Variants in CCDC138 observed in about 807,000 individuals in gnomAD.
CCDC138 encodes coiled-coil domain-containing protein 138.
A neutral mutation model predicts 82.3 loss-of-function variants in CCDC138; 66 were observed. That is an observed-to-expected ratio of 0.80 (90% CI 0.66 to 0.98). The LOEUF (loss-of-function observed/expected upper bound fraction) is 0.98. CCDC138 is among the 50% of genes least tolerant of loss of function. CCDC138 has a pLI of 0.00. For synonymous variants in CCDC138, 297 were observed against 265.4 expected (o/e 1.12, Z -1.16); for missense variants, 816 against 758.9 (o/e 1.08, Z -0.88).
chr2:108,805,213 A>G (rs1019149834), intron 7 of CCDC138, among the ~76,000 whole-genome samples: 4 of 152,166 alleles, frequency 2.6e-5, no homozygotes, highest in South Asian at 4.1e-4. Context: ...CTGGCAACCA[A>G]CTGACAAACA....
intron 13 of CCDC138, among the ~76,000 whole-genome samples, chr2:108,869,558 A>G (rs573766312): frequency 6.6e-6 from 1 of 152,308 alleles, no homozygotes; most frequent in African/African-American, 2.4e-5. Context: ...CAGGGAGACT[A>G]CAGACCTGTG....
At chr2:108,800,937 T>C (rs1681850508) in intron 6 of CCDC138, among the ~76,000 whole-genome samples, 1 of 113,626 alleles carries the variant, frequency 8.8e-6, no homozygotes, top group Non-Finnish European at 1.8e-5. Flanking sequence ...TTCATCCATG[T>C]CCCTACAAAG....
intron 13 of CCDC138, among the ~76,000 whole-genome samples, chr2:108,859,441 G>A (rs1693197495): frequency 6.6e-6 from 1 of 152,210 alleles, no homozygotes; most frequent in Non-Finnish European, 1.5e-5. Flanking sequence ...TATTGCATTT[G>A]CTTTTGATGA....
At chr2:108,865,184 A>C (rs1694233275) in intron 13 of CCDC138, among the ~76,000 whole-genome samples, 1 of 152,162 alleles carries the variant, frequency 6.6e-6, no homozygotes, top group Admixed American at 6.5e-5. Flanking sequence ...TATCTTGAAG[A>C]TCTTATATAA....
chr2:108,823,169 A>G (rs569856398), intron 10 of CCDC138, among the ~76,000 whole-genome samples: 21 of 152,304 alleles, frequency 1.4e-4, no homozygotes, highest in Admixed American at 1.0e-3. Context: ...CCTCCCAACA[A>G]TGAAAAGCCA....
chr2:108,877,314 CAGAATT>C (rs922127461), downstream of CCDC138, among the ~76,000 whole-genome samples: 1 of 138,584 alleles, frequency 7.2e-6, no homozygotes, highest in Non-Finnish European at 1.6e-5. Flanking sequence ...CAAAAAAAAA[CAGAATT>C]AGCCAGGCGG....
At chr2:108,852,159 G>T (rs1215320572) in intron 12 of CCDC138, among the ~76,000 whole-genome samples, 1 of 152,064 alleles carries the variant, frequency 6.6e-6, no homozygotes, top group Non-Finnish European at 1.5e-5. Context: ...TATTATTATT[G>T]TAATTTTACA....
chr2:108,797,318 A>G (rs181993725), intron 5 of CCDC138, among the ~76,000 whole-genome samples: 2 of 152,318 alleles, frequency 1.3e-5, no homozygotes, highest in East Asian at 3.9e-4. Flanking sequence ...CATGGAAACC[A>G]ATGAAGGAGA....
chr2:108,857,885 G>C (rs772249005), intron 13 of CCDC138, among the ~76,000 whole-genome samples: 13 of 152,220 alleles, frequency 8.5e-5, no homozygotes, highest in Non-Finnish European at 1.6e-4. Context: ...GAATATGACA[G>C]AGATGGCATC....
At chr2:108,861,370 T>G (rs1693575912) in intron 13 of CCDC138, among the ~76,000 whole-genome samples, 1 of 152,102 alleles carries the variant, frequency 6.6e-6, no homozygotes, top group Admixed American at 6.5e-5. Flanking sequence ...AACTTTGGAT[T>G]AATTTGTTCT....
At chr2:108,854,003 T>TATATAATATATAATAAATTTATATC in intron 12 of CCDC138, among the ~76,000 whole-genome samples, 1 of 5,904 alleles carries the variant, frequency 1.7e-4, no homozygotes, top group East Asian at 0.015. Flanking sequence ...AAATTTATAT[T>TATATAATATATAATAAATTTATATC]ATATATAATA....
chr2:108,794,785 G>A (rs1332435428), intron 5 of CCDC138, 64 bp downstream of exon 5: 7 of 1,188,836 alleles, frequency 5.9e-6, no homozygotes, highest in South Asian at 4.3e-5. Context: ...AAGCATTTAC[G>A]AAATTTGAAT....
chr2:108,800,448 A>G (rs946637789), intron 6 of CCDC138, among the ~76,000 whole-genome samples: 1 of 151,676 alleles, frequency 6.6e-6, no homozygotes, highest in Admixed American at 6.6e-5. Flanking sequence ...TATTTTTAGT[A>G]GGGACGGGGT....
At chr2:108,858,726 G>C (rs999349906) in intron 13 of CCDC138, among the ~76,000 whole-genome samples, 1 of 151,620 alleles carries the variant, frequency 6.6e-6, no homozygotes, top group South Asian at 2.1e-4. Context: ...TTAGATTTAG[G>C]GGGTACATGT....
At chr2:108,830,965 A>C (rs1252221155) in intron 10 of CCDC138, among the ~76,000 whole-genome samples, 1 of 152,206 alleles carries the variant, frequency 6.6e-6, no homozygotes, top group Non-Finnish European at 1.5e-5. Context: ...ACTTGAGGCC[A>C]GGAGTTCAAG....
At chr2:108,821,928 CA>C (rs61088256) in intron 10 of CCDC138, among the ~76,000 whole-genome samples, 155 of 130,816 alleles carry the variant, frequency 1.2e-3, no homozygotes, top group Middle Eastern at 0.012. Context: ...AACTTTGTCT[CA>C]AAAAAAAAAA....
At chr2:108,853,981 AT>A (rs367811372) in intron 12 of CCDC138, among the ~76,000 whole-genome samples, 46 of 26,890 alleles carry the variant, frequency 1.7e-3, no homozygotes, top group South Asian at 2.7e-3. Context: ...TATATAATAT[AT>A]AATATATAAT....
At chr2:108,811,219 T>G (rs1683776558) in intron 7 of CCDC138, among the ~76,000 whole-genome samples, 1 of 147,648 alleles carries the variant, frequency 6.8e-6, no homozygotes, top group Non-Finnish European at 1.5e-5. Flanking sequence ...TACTATTTCT[T>G]CTCTCCCTTT....
chr2:108,831,004 G>A (rs1687488710), intron 10 of CCDC138, among the ~76,000 whole-genome samples: 1 of 151,964 alleles, frequency 6.6e-6, no homozygotes, highest in Non-Finnish European at 1.5e-5. Flanking sequence ...GAGAAACTCT[G>A]TCTCTACTGA....
Sources: gnomAD v4.1 joint callset for allele counts (sites outside exome capture counted in the v4.1 genomes callset) on GRCh38, gnomAD v4.1.1 for gene constraint, MANE v1.5 for transcripts, NCBI Gene and HGNC (gene_info 2026-07-23, HGNC 2026-07-21) for gene names.